The following CDH15 variants were observed in gnomAD, a reference collection of about 807,000 sequenced individuals.
CDH15 encodes the protein cadherin 15.
Under a neutral mutation model 69.4 loss-of-function variants are expected in CDH15, and 73 were observed. The ratio of observed to expected loss-of-function variants is 1.05; its 90% CI spans 0.87 to 1.28. The LOEUF (loss-of-function observed/expected upper bound fraction) is 1.28, where lower values mean the gene tolerates loss of function less well. Ranked by LOEUF, CDH15 falls within the 50% of genes most tolerant of loss-of-function variation. The pLI is 0.00. For missense variants in CDH15, 1,343 were observed against 1,133.6 expected, an observed-to-expected ratio of 1.18 and a Z score of -2.65; for synonymous variants, 624 against 507.7, an observed-to-expected ratio of 1.23 and a Z score of -3.08.
chr16:89,193,986 C>G, intron 13 of CDH15, 73 bp downstream of exon 13: 1 of 1,496,332 alleles, frequency 6.7e-7, no homozygotes, highest in Admixed American at 1.8e-5. Context: ...ATGTACACAC[C>G]TGCACATGCA....
rs763956894 is a variant in CDH15 at position 89,187,500 on chromosome 16, AGCCATCATC to A, written c.736_744del (p.Ala246_Ile248del). ...GAGACGGCCTCACAGCCACTGCCTC[AGCCATCATC>A]ACCCTTGATGACATCAATGACAATG... On this transcript the variant is annotated inframe_deletion, in exon 6 of 14. Coordinates refer to ENST00000289746, the MANE Select transcript of CDH15 (RefSeq NM_004933.3). The A allele has an allele frequency of 9.9e-6, 16 of 1,613,614 alleles. No individual in the cohort carries two copies. The highest frequency in any genetic ancestry group is 1.4e-5 in the Non-Finnish European group (16 of 1,180,020).
chr16:89,190,133 G>C (rs1437141998), intron 7 of CDH15, 110 bp from the exon 8 acceptor site: 4 of 1,308,304 alleles, frequency 3.1e-6, no homozygotes, highest in Non-Finnish European at 4.3e-6. Flanking sequence ...GGGGCAGAAG[G>C]AAAGTACAGG....
At chr16:89,186,816 T>C (rs1205981826) in intron 5 of CDH15, among the ~76,000 whole-genome samples, 1 of 146,038 alleles carries the variant, frequency 6.8e-6, no homozygotes, top group Non-Finnish European at 1.5e-5. Flanking sequence ...GCACAGAAGG[T>C]GCTCTGTAAA....
In CDH15 at chr16:89,193,870, T is replaced by A; in HGVS notation, c.2108T>A (p.Val703Glu). ...CGCCTGCACCCCCAGCCACCCCGAG[T>A]GCTGCCCACCAGCCCCCTGGACATC... ...QGRLHPQPPR[V>E]LPTSPLDIAD... The change falls in exon 13 of 14, where the codon GTG (valine) becomes GAG (glutamate). Residue 703 changes from valine to glutamate, a missense_variant. Transcript: ENST00000289746. 1 of 1,611,802 alleles carries A rather than the reference T, an allele frequency of 6.2e-7. No homozygotes were observed.
chr16:89,189,936 C>G (rs377564354), intron 7 of CDH15, among the ~76,000 whole-genome samples: 1 of 152,234 alleles, frequency 6.6e-6, no homozygotes, highest in Non-Finnish European at 1.5e-5. Flanking sequence ...CCAGGACGAT[C>G]TCCTTTATTT....
intron 1 of CDH15, among the ~76,000 whole-genome samples, chr16:89,177,016 T>C (rs1443487352): frequency 6.6e-6 from 1 of 152,070 alleles, no homozygotes; most frequent in Admixed American, 6.5e-5. Flanking sequence ...GCCCCGTCTC[T>C]GCGTTAGGGT....
intron 7 of CDH15, among the ~76,000 whole-genome samples, chr16:89,188,726 C>A (rs1224304682): frequency 8.0e-6 from 1 of 125,626 alleles, no homozygotes; most frequent in African/African-American, 3.0e-5. Context: ...ACACAGATGC[C>A]GGCACACACA....
Position 89,195,434 on chromosome 16 carries a change from G to T in CDH15, c.*279G>T. 2 of 499,610 alleles carry T rather than the reference G, an allele frequency of 4.0e-6. No individual in the cohort carries two copies. Among genetic ancestry groups the T allele is most frequent in the South Asian group, 6.5e-5 (2 of 30,554 alleles). 30.9% of individuals were successfully genotyped at this position (499,610 alleles called of 1,614,324 possible). A position where few individuals can be genotyped will look rare whatever the true frequency, so the allele number is the denominator to read the frequency against. On this transcript the variant is annotated 3_prime_UTR_variant, in exon 14 of 14. Coordinates refer to ENST00000289746, the MANE Select transcript of CDH15 (RefSeq NM_004933.3). The stretch of plus-strand genomic sequence containing the variant: ...CTACCAGTGAACCTCATCTTTGTAT[G>T]AAAGACAGCAACCTCCTGGGTAAAT...
chr16:89,188,154 G>A lies in CDH15; in HGVS notation c.847G>A (p.Val283Met), dbSNP rs1179671361. The A allele has an allele frequency of 6.2e-7, 1 of 1,613,492 alleles. No homozygotes were observed. Residue 283 changes from valine to methionine, a missense_variant, in exon 7 of 14, where the codon GTG becomes ATG. By Grantham distance (21) the Val-to-Met change is conservative. Transcript: ENST00000289746. ...VSGVDVGRLEVEDRDLPGSPN... is the reference protein window; with the variant it reads ...VSGVDVGRLEMEDRDLPGSPN... Reference sequence around the variant, plus strand: ...CGGAGTGGATGTGGGACGCCTGGAAGTGGAGGACAGGGACCTGCCAGGCTC... The same window carrying A: ...CGGAGTGGATGTGGGACGCCTGGAAATGGAGGACAGGGACCTGCCAGGCTC...
intron 4 of CDH15, among the ~76,000 whole-genome samples, chr16:89,184,847 G>C (rs1209474957): frequency 6.6e-6 from 1 of 152,206 alleles, no homozygotes; most frequent in Admixed American, 6.5e-5. Context: ...AGGCCCAGGA[G>C]CCAGCACCTG....
chr16:89,186,496 C>T (rs1915491088), intron 5 of CDH15, among the ~76,000 whole-genome samples: 1 of 140,782 alleles, frequency 7.1e-6, no homozygotes, highest in African/African-American at 2.7e-5. Flanking sequence ...ACAGTAGGTG[C>T]TCTGTAAACG....
chr16:89,181,648 A>T (rs559155274), intron 3 of CDH15, among the ~76,000 whole-genome samples: 1 of 151,474 alleles, frequency 6.6e-6, no homozygotes, highest in Non-Finnish European at 1.5e-5. Context: ...AAAAAAAAAG[A>T]AGAAAAGAGG....
At position 89,195,123 on chromosome 16, in the gene CDH15, C is replaced by T. The variant is rs368183972; in HGVS notation, c.2413C>T (p.Leu805=). The T allele has an allele frequency of 7.5e-6, 12 of 1,604,030 alleles. No homozygotes were observed. Among genetic ancestry groups the T allele is most frequent in the Non-Finnish European group, 1.0e-5 (12 of 1,174,718 alleles). The change falls in exon 14 of 14, where the codon CTG becomes TTG. Residue 805 remains leucine, a synonymous_variant. Coordinates refer to ENST00000289746, the MANE Select transcript of CDH15 (RefSeq NM_004933.3). ...QAREGLSPGA[L]LPRHRGRTA ...CAGGGAGGGTCTTTCTCCTGGGGCA[C>T]TGCTACCCAGACACAGAGGCCGGAC...
intron 3 of CDH15, among the ~76,000 whole-genome samples, chr16:89,182,150 C>A (rs1349092829): frequency 2.1e-5 from 1 of 48,452 alleles, no homozygotes; most frequent in East Asian, 7.8e-4. Flanking sequence ...TCCCCTCCCC[C>A]AGCCTGCCCT....
In CDH15 at chr16:89,188,230, A is replaced by C. The variant is rs1027030382; in HGVS notation, c.923A>C (p.Gln308Pro). 6.2e-7 allele frequency: 1 copy of C among 1,613,616 alleles called. No individual in the cohort carries two copies. The highest frequency in any genetic ancestry group is 8.5e-7 in the Non-Finnish European group (1 of 1,179,948). ...ATCCTGGAAGGCGACCCCGATGGGC[A>C]GTTCACCATCCGCACGGACCCCAAG... Reference protein sequence around the residue: ...FTILEGDPDGQFTIRTDPKTN... With the variant: ...FTILEGDPDGPFTIRTDPKTN... Residue 308 changes from glutamine (Q) to proline (P), a missense_variant, in exon 7 of 14, where the codon CAG becomes CCG. By Grantham distance (76) the Gln-to-Pro change is moderately conservative. Transcript: ENST00000289746.
chr16:89,194,530 C>T (rs910945734), intron 13 of CDH15, among the ~76,000 whole-genome samples: 3 of 152,182 alleles, frequency 2.0e-5, no homozygotes, highest in Non-Finnish European at 4.4e-5. Context: ...GGCTCGGGTT[C>T]TGCCTTGAGT....
At chr16:89,188,695 CCCACGCACAGATGGCG>C (rs1915555595) in intron 7 of CDH15, among the ~76,000 whole-genome samples, 1 of 141,890 alleles carries the variant, frequency 7.0e-6, no homozygotes, top group Admixed American at 7.0e-5. Flanking sequence ...CACACAGATG[CCCACGCACAGATGGCG>C]GCACACACAG....
In CDH15 at chr16:89,188,234, C is replaced by A. The variant is rs1352631870; in HGVS notation, c.927C>A (p.Phe309Leu). ...TGGAAGGCGACCCCGATGGGCAGTT[C>A]ACCATCCGCACGGACCCCAAGACCA... The part of the protein sequence containing the change: ...TILEGDPDGQ[F>L]TIRTDPKTNE... Residue 309 changes from phenylalanine (F) to leucine (L), a missense_variant, in exon 7 of 14, where the codon TTC becomes TTA. Transcript: ENST00000289746. 6.2e-7 allele frequency: 1 copy of A among 1,613,576 alleles called. No individual in the cohort carries two copies. Among genetic ancestry groups the A allele is most frequent in the South Asian group, 1.1e-5 (1 of 91,058 alleles).
rs545220055 is a variant in CDH15, at chr16:89,185,267, C to G, written c.597C>G (p.Pro199=). Residue 199 remains proline, a synonymous_variant, in exon 5 of 14, where the codon CCC becomes CCG. Transcript: ENST00000289746. ...TCTCCATCCTGCAGCAGGGCAGCCC[C>G]GAGCTCTTCAGCATCGACGAGCTCA... ...LRFSILQQGS[P]ELFSIDELTG... is the part of the protein sequence containing the mutation. 1.0e-5 allele frequency: 16 copies of G among 1,605,990 alleles called. No homozygotes were observed. In the East Asian group the frequency reaches 1.1e-4, roughly 11 times the overall value.
Sources: gnomAD v4.1 joint callset for allele counts (sites outside exome capture counted in the v4.1 genomes callset) on GRCh38, gnomAD v4.1.1 for gene constraint, MANE v1.5 for transcripts, NCBI Gene and HGNC (gene_info 2026-07-23, HGNC 2026-07-21) for gene names.